Variants in MROH2A observed in about 807,000 individuals in gnomAD.
MROH2A encodes maestro heat-like repeat-containing protein family member 2A.
In MROH2A, 174 loss-of-function variants were observed where a neutral mutation model predicts 200.4. The ratio of observed to expected loss-of-function variants is 0.87; its 90% CI spans 0.77 to 0.98. The LOEUF (loss-of-function observed/expected upper bound fraction) is 0.98. Among genes scored for constraint, MROH2A ranks in the 50% least tolerant of loss-of-function variants. MROH2A has a pLI of 0.00. For missense variants in MROH2A, 2,045 were observed against 2,139.6 expected (o/e 0.96, Z 0.87); for synonymous variants, 829 against 840.4 (o/e 0.99, Z 0.23).
At chr2:233,809,101 G>T in intron 21 of MROH2A, 25 bp from the exon 22 acceptor site, 1 of 1,539,976 alleles carries the variant, frequency 6.5e-7, no homozygotes, top group Non-Finnish European at 8.8e-7. Context: ...GCCCCCAGTG[G>T]TTCTTTTTCT....
Position 233,804,141 on chromosome 2 carries a change from A to G in MROH2A, c.1840A>G (p.Met614Val). ...CCTGAGCCAGAGCATCGCACCCTCC[A>G]TGGCCGACATGTGGGAGCTGGAGAT... ...RTLSQSIAPS[M>V]ADMWELEIAL... Residue 614 changes from methionine (M) to valine (V), a missense_variant, in exon 17 of 42, where the codon ATG (methionine) becomes GTG (valine). This residue lies in a region of MROH2A where 831 missense variants were observed against 800.0 expected (regional missense o/e 1.04). Coordinates refer to ENST00000389758, the MANE Select transcript of MROH2A (RefSeq NM_001394639.1). The G allele has an allele frequency of 6.4e-7, 1 of 1,550,554 alleles. No homozygotes were observed. Among genetic ancestry groups the G allele is most frequent in the African/African-American group, 1.4e-5 (1 of 73,134 alleles).
rs1213442838 is a variant in MROH2A, at chr2:233,794,358, G to A, written c.823-5G>A. 6.5e-7 allele frequency: 1 copy of A among 1,548,852 alleles called. No individual in the cohort carries two copies. Among genetic ancestry groups the A allele is most frequent in the South Asian group, 1.2e-5 (1 of 83,994 alleles). On this transcript the variant is annotated splice_polypyrimidine_tract_variant and splice_region_variant and intron_variant, in intron 7 of 41. Transcript: ENST00000389758. The stretch of plus-strand genomic sequence containing the variant: ...ATGCGTCCCAGAGCTGGTTTCTGGT[G>A]GCAGGTGAAGCTGGGGGTGATCAAG...
In MROH2A at chr2:233,828,593, C is replaced by A; in HGVS notation, c.4114-37C>A. On this transcript the variant is annotated intron_variant, in intron 35 of 41. Transcript: ENST00000389758. This position sits in a 1 kb window ranked among gnomAD's most constrained non-coding sequence, Gnocchi z 4.6. Reference sequence around the variant, plus strand: ...CCACCTTGCTGCTGAGAAATGAGCCCGCCCTGGGGATAACTGCCCAATGTC... The same window carrying A: ...CCACCTTGCTGCTGAGAAATGAGCCAGCCCTGGGGATAACTGCCCAATGTC... The A allele has an allele frequency of 6.5e-7, 1 of 1,541,590 alleles. No individual in the cohort carries two copies. Among genetic ancestry groups the A allele is most frequent in the Non-Finnish European group, 8.8e-7 (1 of 1,140,284 alleles).
chr2:233,796,354 G>A, intron 11 of MROH2A, 41 bp downstream of exon 11: 1 of 1,004,406 alleles, frequency 1.0e-6, no homozygotes, highest in Non-Finnish European at 1.5e-6. Context: ...GGGAGGGTGG[G>A]GTAGGCAGGG....
rs573975269 is a variant in MROH2A, at chr2:233,802,206, A to G, written c.1599A>G (p.Thr533=). ...GGCTGCTGTGCTACATCATGGAGAC[A>G]GACTACGTGGAAGCTTTGACTCCTA... ...WVRLLCYIME[T]DYVEALTPIC... Residue 533 remains threonine (T), a synonymous_variant, in exon 15 of 42, where the codon ACA becomes ACG. Transcript: ENST00000389758. The G allele has an allele frequency of 2.6e-4, 398 of 1,550,414 alleles. 1 individual carries two copies. The African/African-American group carries it at 4.7e-3, about 18-fold the overall frequency.
intron 41 of MROH2A, 79 bp downstream of exon 41, chr2:233,832,723 G>C: frequency 1.5e-6 from 1 of 645,274 alleles, no homozygotes; most frequent in Non-Finnish European, 2.6e-6. Context: ...TGCTTCAAGG[G>C]AAGAGCCAGA....
At position 233,833,360 on chromosome 2, in the gene MROH2A, T is replaced by A. The variant is rs1704916792; in HGVS notation, c.*101T>A. 3 of 1,233,284 alleles carry A rather than the reference T, an allele frequency of 2.4e-6. No individual in the cohort carries two copies. The highest frequency in any genetic ancestry group is 3.3e-6 in the Non-Finnish European group (3 of 917,406). The allele number at this position is 1,233,284 out of a possible 1,614,324, so 76.4% of individuals were successfully genotyped here. ...TTAGTTTGTAGGAAAAACACTATTGTAAAATAACTAGTATCCTTTTGTTTC... is the reference window on the plus strand; with the variant it reads ...TTAGTTTGTAGGAAAAACACTATTGAAAAATAACTAGTATCCTTTTGTTTC... On this transcript the variant is annotated 3_prime_UTR_variant, in exon 42 of 42. Transcript: ENST00000389758.
At chr2:233,792,076 C>T (rs1411457444) in intron 5 of MROH2A, among the ~76,000 whole-genome samples, 1 of 152,132 alleles carries the variant, frequency 6.6e-6, no homozygotes, top group Non-Finnish European at 1.5e-5. Context: ...TGTCTCCCTG[C>T]TTCTGTGTTC....
intron 14 of MROH2A, among the ~76,000 whole-genome samples, chr2:233,801,011 A>C (rs928497321): frequency 1.3e-5 from 2 of 152,204 alleles, no homozygotes; most frequent in Non-Finnish European, 1.5e-5. Context: ...CACATATAGC[A>C]GGTATACTGT....
In MROH2A at chr2:233,813,724, C is replaced by G. The variant is rs969116826; in HGVS notation, c.2706C>G (p.Ser902Arg). 2.2e-5 allele frequency: 34 copies of G among 1,550,100 alleles called. No homozygotes were observed. Among genetic ancestry groups the G allele is most frequent in the Non-Finnish European group, 2.9e-5 (33 of 1,146,674 alleles). Residue 902 changes from serine to arginine, a missense_variant, in exon 25 of 42, where the codon AGC (serine) becomes AGG (arginine). This residue lies in a region of MROH2A where 1,201 missense variants were observed against 1,311.3 expected (regional missense o/e 0.92). Coordinates refer to ENST00000389758, the MANE Select transcript of MROH2A (RefSeq NM_001394639.1). Reference sequence around the variant, plus strand: ...AAAACAGTGAGCTGATGGATATCAGCATACATTCTGTAATTTCTCTCCAAC... The same window carrying G: ...AAAACAGTGAGCTGATGGATATCAGGATACATTCTGTAATTTCTCTCCAAC... ...TEENSELMDI[S>R]IHSVISLQLP...
At chr2:233,789,780 C>A in intron 4 of MROH2A, 72 bp from the exon 5 acceptor site, 1 of 1,498,612 alleles carries the variant, frequency 6.7e-7, no homozygotes, top group African/African-American at 1.4e-5. Context: ...GTGGAGAGAG[C>A]CTGGGGTAGG....
At chr2:233,802,674 G>A (rs1173206890) in intron 15 of MROH2A, among the ~76,000 whole-genome samples, 1 of 152,084 alleles carries the variant, frequency 6.6e-6, no homozygotes, top group African/African-American at 2.4e-5. Context: ...AGTAACTATA[G>A]GCATCCCATC....
chr2:233,823,048 G>T (rs1197266440), intron 34 of MROH2A, 30 bp downstream of exon 34: 2 of 1,548,194 alleles, frequency 1.3e-6, no homozygotes, highest in Admixed American at 2.0e-5. Context: ...GGGTGGCAGG[G>T]GGACCTGCAG....
intron 18 of MROH2A, among the ~76,000 whole-genome samples, 178 bp downstream of exon 18, chr2:233,804,725 G>T (rs1325659031): frequency 6.6e-6 from 1 of 152,172 alleles, no homozygotes; most frequent in African/African-American, 2.4e-5. Context: ...CCCCAGGGGA[G>T]AACTGAGAGA....
rs542311794 is a variant in MROH2A at position 233,808,275 on chromosome 2, T to TG, written c.2295+421dup. ...CTCAGTGGATGGACGGTGCTGGGATTGAGGGGCTCTAGCCACTGTTGCAGG... is the reference window on the plus strand; with the variant it reads ...CTCAGTGGATGGACGGTGCTGGGATTGGAGGGGCTCTAGCCACTGTTGCAGG... On this transcript the variant is annotated intron_variant, in intron 21 of 41. Transcript: ENST00000389758. 7.1e-3 allele frequency among the ~76,000 whole-genome samples: 1,087 copies of TG among 152,248 alleles called. 7 individuals are homozygous for TG. Among genetic ancestry groups the TG allele is most frequent in the Non-Finnish European group, 0.01 (700 of 68,010 alleles).
At chr2:233,780,418 T>C (rs1457665264) in intron 3 of MROH2A, among the ~76,000 whole-genome samples, 1 of 152,214 alleles carries the variant, frequency 6.6e-6, no homozygotes, top group East Asian at 1.9e-4. Flanking sequence ...TTCTAACAAG[T>C]TCCCAGGTGA....
chr2:233,832,631 A>G lies in MROH2A; in HGVS notation c.4890A>G (p.Pro1630=), dbSNP rs1049547463. The G allele has an allele frequency of 7.1e-6, 11 of 1,549,116 alleles. No individual in the cohort carries two copies. In the Admixed American group the frequency reaches 2.2e-4, roughly 30 times the overall value. ...STHYLKKLDF[P]ALRNSLQELQ... is the part of the protein sequence containing the mutation. ...ATTATCTGAAAAAGCTGGACTTCCC[A>G]GCATTACGGAATTGTGAGTAGTGGA... The change falls in exon 41 of 42, where the codon CCA becomes CCG. Residue 1630 remains proline, a synonymous_variant. Transcript: ENST00000389758.
rs778732987 is a variant in MROH2A, at chr2:233,828,491, G to C, written c.4114-139G>C. On this transcript the variant is annotated intron_variant, in intron 35 of 41. Coordinates refer to ENST00000389758, the MANE Select transcript of MROH2A (RefSeq NM_001394639.1). The surrounding 1 kb of genome is among the most constrained non-coding windows in gnomAD (Gnocchi z 4.6). ...ACTAGCATCACCCGCTTTTTATAGA[G>C]AGGAAACGGAGGCTCTCAGAGCCCC... 1.7e-5 allele frequency: 18 copies of C among 1,053,978 alleles called. No individual in the cohort carries two copies. Among genetic ancestry groups the C allele is most frequent in the Non-Finnish European group, 2.3e-5 (17 of 738,880 alleles). The allele number at this position is 1,053,978 out of a possible 1,614,324, so 65.3% of individuals were successfully genotyped here.
At chr2:233,823,812 C>T in intron 35 of MROH2A, 148 bp downstream of exon 35, 2 of 997,952 alleles carry the variant, frequency 2.0e-6, no homozygotes, top group South Asian at 1.6e-5. Flanking sequence ...TCATCTGCTC[C>T]TTCATTCATT....
Sources: allele counts gnomAD v4.1 joint callset (sites outside exome capture counted in the v4.1 genomes callset), GRCh38; gene constraint gnomAD v4.1.1; regional missense constraint gnomAD v4.1.1; non-coding constraint Gnocchi (gnomAD v3.1); transcripts MANE v1.5; gene names NCBI Gene and HGNC (gene_info 2026-07-23, HGNC 2026-07-21).